Variants in TTC28 observed in about 807,000 individuals in gnomAD.
TTC28 encodes the protein tetratricopeptide repeat protein 28.
In TTC28, 61 loss-of-function variants were observed where a neutral mutation model predicts 198.0. That is an observed-to-expected ratio of 0.31 (90% CI 0.25 to 0.38). TTC28 has a LOEUF of 0.38. Among genes scored for constraint, TTC28 ranks in the 10% least tolerant of loss-of-function variants. The pLI is 1.00. For synonymous variants in TTC28, 1,171 were observed against 1,297.8 expected, an observed-to-expected ratio of 0.90 and a Z score of 2.10; for missense variants, 2,678 against 3,164.0, an observed-to-expected ratio of 0.85 and a Z score of 3.69.
intron 13 of TTC28, among the ~76,000 whole-genome samples, chr22:28,029,968 C>T (rs1308570006): frequency 6.6e-6 from 1 of 152,192 alleles, no homozygotes; most frequent in Non-Finnish European, 1.5e-5. Flanking sequence ...AGCCAACTAT[C>T]CCCTGGGACT....
chr22:28,537,857 T>C (rs952389348), intron 2 of TTC28, among the ~76,000 whole-genome samples: 1 of 152,058 alleles, frequency 6.6e-6, no homozygotes, highest in Admixed American at 6.6e-5. Context: ...ACAAAGAAGC[T>C]GTGCGCAGTG....
intron 1 of TTC28, among the ~76,000 whole-genome samples, chr22:28,630,319 C>T (rs2051152914): frequency 6.6e-6 from 1 of 152,158 alleles, no homozygotes; most frequent in Non-Finnish European, 1.5e-5. Flanking sequence ...TGAGGTCTCA[C>T]TCTGTAACCC....
chr22:28,555,413 T>C (rs1475831100), intron 2 of TTC28, among the ~76,000 whole-genome samples: 1 of 152,222 alleles, frequency 6.6e-6, no homozygotes, highest in African/African-American at 2.4e-5. Context: ...AGCAGCACAA[T>C]TTCTAATTGC....
In TTC28 at chr22:27,981,760, T is replaced by C. The variant is rs377018894; in HGVS notation, c.*461A>G. ...CCTGTAGAATTCAACTGAAATTTCA[T>C]ATATCCCACCCCCAACCAGCAACCG... On this transcript the variant is annotated 3_prime_UTR_variant, in exon 23 of 23. Transcript: ENST00000397906. 1 of 154,924 alleles carries C rather than the reference T, an allele frequency of 6.5e-6. No homozygotes were observed. Among genetic ancestry groups the C allele is most frequent in the South Asian group, 2.1e-4 (1 of 4,870 alleles). 9.6% of individuals were successfully genotyped at this position (154,924 alleles called of 1,614,324 possible).
chr22:28,386,480 A>C (rs1265197409), intron 2 of TTC28, among the ~76,000 whole-genome samples: 1 of 152,078 alleles, frequency 6.6e-6, no homozygotes, highest in Non-Finnish European at 1.5e-5. Flanking sequence ...CTGTTGAATT[A>C]AATGAATTAA....
intron 2 of TTC28, among the ~76,000 whole-genome samples, chr22:28,464,234 TC>T (rs1268023114): frequency 6.6e-6 from 1 of 152,166 alleles, no homozygotes; most frequent in Non-Finnish European, 1.5e-5. Context: ...GGCCACTGTC[TC>T]TGGAGAAAAG....
chr22:28,036,761 C>G (rs571652466), intron 12 of TTC28, among the ~76,000 whole-genome samples: 23 of 151,978 alleles, frequency 1.5e-4, no homozygotes, highest in Non-Finnish European at 3.1e-4. Flanking sequence ...ACAAAATTGA[C>G]AGACCGCTAG....
At chr22:28,444,807 C>T (rs960062307) in intron 2 of TTC28, among the ~76,000 whole-genome samples, 1 of 152,150 alleles carries the variant, frequency 6.6e-6, no homozygotes, top group Non-Finnish European at 1.5e-5. Flanking sequence ...GACTTAAGCA[C>T]CTATTATTTC....
chr22:28,325,751 C>T (rs1223536563), intron 2 of TTC28, among the ~76,000 whole-genome samples: 2 of 152,006 alleles, frequency 1.3e-5, no homozygotes, highest in Non-Finnish European at 2.9e-5. Flanking sequence ...TGTTCAAAAT[C>T]ATTAGCCATT....
rs904424337 is a variant in TTC28, at chr22:28,107,366, G to T, written c.2479C>A (p.Leu827Met). The change falls in exon 7 of 23, where the codon CTG becomes ATG. Residue 827 changes from leucine (L) to methionine (M), a missense_variant. Physicochemically the swap from Leu to Met is conservative, Grantham distance 15 (BLOSUM62 2). This residue lies in a region of TTC28 where 775 missense variants were observed against 845.9 expected (regional missense o/e 0.92). Transcript: ENST00000397906. ...YEEQLDLGQKLKDPSLEAQVY... is the reference protein window; with the variant it reads ...YEEQLDLGQKMKDPSLEAQVY... ...TGGGCTTCCAGACTCGGATCCTTCA[G>T]CTTTTGCCCTAGATCCAGTTGCTCT... The T allele has an allele frequency of 1.9e-6, 3 of 1,551,752 alleles. No homozygotes were observed. In the African/African-American group the frequency reaches 4.1e-5, roughly 21 times the overall value.
intron 2 of TTC28, among the ~76,000 whole-genome samples, chr22:28,479,996 C>A (rs759057401): frequency 3.9e-5 from 6 of 152,164 alleles, no homozygotes; most frequent in Non-Finnish European, 8.8e-5. Context: ...TTTTACCCAT[C>A]AGACTGAGCA....
intron 5 of TTC28, among the ~76,000 whole-genome samples, chr22:28,274,224 A>C (rs1285508928): frequency 6.6e-6 from 1 of 152,194 alleles, no homozygotes; most frequent in Non-Finnish European, 1.5e-5. Flanking sequence ...GAGAGGGTAA[A>C]AGGATATATT....
At chr22:28,031,868 G>A (rs1192874459) in intron 12 of TTC28, among the ~76,000 whole-genome samples, 1 of 152,010 alleles carries the variant, frequency 6.6e-6, no homozygotes, top group African/African-American at 2.4e-5. Flanking sequence ...CAGTGTGAGT[G>A]GGCCTCATCT....
chr22:28,444,412 A>G (rs1233496289), intron 2 of TTC28, among the ~76,000 whole-genome samples: 3 of 152,162 alleles, frequency 2.0e-5, no homozygotes, highest in Non-Finnish European at 2.9e-5. Flanking sequence ...AAAACACCCA[A>G]AACAATTAGT....
intron 13 of TTC28, among the ~76,000 whole-genome samples, chr22:28,018,913 T>G (rs531724066): frequency 6.6e-6 from 1 of 152,368 alleles, no homozygotes; most frequent in East Asian, 1.9e-4. Context: ...GTGCTGCTGC[T>G]GCCTTGTGCA....
intron 12 of TTC28, among the ~76,000 whole-genome samples, chr22:28,066,183 G>T (rs1045766680): frequency 1.3e-5 from 2 of 151,866 alleles, no homozygotes; most frequent in African/African-American, 2.4e-5. Context: ...TATTCAAAGT[G>T]TATGTAATAC....
rs75890686 is a variant in TTC28, at chr22:28,316,705, T to C, written c.382-10062A>G. On this transcript the variant is annotated intron_variant, in intron 2 of 22. Transcript: ENST00000397906. ...CTAAATAATTCATTTTTTGGAGCTATTGTTTTTGAAAGTTCAGTTTTCAGT... is the reference window on the plus strand; with the variant it reads ...CTAAATAATTCATTTTTTGGAGCTACTGTTTTTGAAAGTTCAGTTTTCAGT... 7.0e-3 allele frequency among the ~76,000 whole-genome samples: 1,064 copies of C among 152,302 alleles called. 3 individuals are homozygous for C. Among genetic ancestry groups the C allele is most frequent in the Non-Finnish European group, 0.011 (775 of 68,022 alleles).
intron 12 of TTC28, among the ~76,000 whole-genome samples, chr22:28,089,060 T>C (rs1385368678): frequency 6.6e-6 from 1 of 152,200 alleles, no homozygotes; most frequent in Non-Finnish European, 1.5e-5. Context: ...TTTTACACTG[T>C]TGTTGGGACT....
chr22:28,316,594 AT>A (rs1286098299), intron 2 of TTC28, among the ~76,000 whole-genome samples: 14 of 152,036 alleles, frequency 9.2e-5, no homozygotes, highest in African/African-American at 1.4e-4. Flanking sequence ...ATGTTTCCCC[AT>A]TTATGTTTTC....
Sources: allele counts gnomAD v4.1 joint callset (sites outside exome capture counted in the v4.1 genomes callset), GRCh38; gene constraint gnomAD v4.1.1; regional missense constraint gnomAD v4.1.1; transcripts MANE v1.5; gene names NCBI Gene and HGNC (gene_info 2026-07-23, HGNC 2026-07-21).